The following EXOC1 variants were observed in gnomAD, a reference collection of about 807,000 sequenced individuals.
EXOC1 encodes the protein SEC3-like 1.
A neutral mutation model predicts 107.7 loss-of-function variants in EXOC1; 67 were observed. The observed-to-expected ratio is 0.62, with a 90% CI of 0.51 to 0.76. EXOC1 has a LOEUF of 0.76. EXOC1 is among the 30% of genes least tolerant of loss of function. The pLI is 0.00. For missense variants in EXOC1, 833 were observed against 1,055.7 expected (o/e 0.79, Z 2.92); for synonymous variants, 348 against 353.5 (o/e 0.98, Z 0.17).
rs1336266977 is a variant in EXOC1 at position 55,905,001 on chromosome 4, A to C, written c.*506A>C. ...TGTGACTAGTAATAAATGTGAAATA[A>C]ATTTTCAAAAAAGTTGACATTTGAT... On this transcript the variant is annotated 3_prime_UTR_variant, in exon 19 of 19. Transcript: ENST00000381295. 1 of 152,272 alleles carries C rather than the reference A, an allele frequency of 6.6e-6. No homozygotes were observed. Among genetic ancestry groups the C allele is most frequent in the African/African-American group, 2.4e-5 (1 of 41,452 alleles). The allele number at this position is 152,272 out of a possible 1,614,324, so 9.4% of individuals were successfully genotyped here.
chr4:55,875,928 A>G (rs965035572), intron 8 of EXOC1: 1 of 929,656 alleles, frequency 1.1e-6, no homozygotes, highest in East Asian at 1.2e-4. Context: ...TTAAAAAATA[A>G]AACACAATTT....
chr4:55,863,176 A>G (rs186281197), intron 3 of EXOC1, among the ~76,000 whole-genome samples: 1 of 152,188 alleles, frequency 6.6e-6, no homozygotes, highest in African/African-American at 2.4e-5. Flanking sequence ...CTAGGATTAC[A>G]GGCGTGAGCT....
intron 8 of EXOC1, chr4:55,875,758 G>C (rs181820555): frequency 4.1e-6 from 4 of 985,294 alleles, no homozygotes; most frequent in Non-Finnish European, 4.8e-6. Flanking sequence ...TTTAATCAGC[G>C]TGACCAATTA....
chr4:55,899,151 A>T (rs1159198188), intron 16 of EXOC1, among the ~76,000 whole-genome samples: 1 of 152,018 alleles, frequency 6.6e-6, no homozygotes, highest in Non-Finnish European at 1.5e-5. Context: ...TGGTGTCTTT[A>T]CTTTACATGA....
chr4:55,896,280 G>A (rs563915446), intron 15 of EXOC1, among the ~76,000 whole-genome samples: 66 of 152,216 alleles, frequency 4.3e-4, no homozygotes, highest in Non-Finnish European at 8.5e-4. Context: ...CTCCCAAGTA[G>A]CTGGGATTAC....
chr4:55,858,446 A>G lies in EXOC1; in HGVS notation c.123A>G (p.Thr41=), dbSNP rs763689987. ...KKKKNCFLCA[T]VTTERPVQVK... ...AAAAGAACTGTTTTTTATGTGCCAC[A>G]GGTGGGTATTTAGTAAGAAAGAGTA... is the stretch of plus-strand genomic sequence containing the variant. Residue 41 remains threonine (T), a splice_region_variant and synonymous_variant, in exon 2 of 19, where the codon ACA becomes ACG. Transcript: ENST00000381295. 2 of 1,588,738 alleles carry G rather than the reference A, an allele frequency of 1.3e-6. No homozygotes were observed. Among genetic ancestry groups the G allele is most frequent in the Admixed American group, 3.6e-5 (2 of 55,078 alleles).
intron 15 of EXOC1, 27 bp downstream of exon 15, chr4:55,893,807 C>A (rs1178002186): frequency 6.4e-7 from 1 of 1,566,402 alleles, no homozygotes; most frequent in East Asian, 2.2e-5. Flanking sequence ...AAAAAAATAC[C>A]TTAGCATCCT....
At chr4:55,886,398 C>A (rs1723877350) in intron 10 of EXOC1, among the ~76,000 whole-genome samples, 1 of 151,342 alleles carries the variant, frequency 6.6e-6, no homozygotes, top group Non-Finnish European at 1.5e-5. Context: ...ACAAAAAAAT[C>A]AAAAATTAGC....
rs772669103 is a variant in EXOC1, at chr4:55,863,844, A to G, written c.256-383A>G. Among the ~76,000 whole-genome samples the G allele has an allele frequency of 5.9e-5, 9 of 152,226 alleles. 1 individual carries two copies. The highest frequency in any genetic ancestry group is 1.3e-4 in the Non-Finnish European group (9 of 68,036). On this transcript the variant is annotated intron_variant, in intron 3 of 18. Coordinates refer to ENST00000381295, the MANE Select transcript of EXOC1 (RefSeq NM_001024924.2). ...TTACAGTTTCAAATAGTAGTACATT[A>G]TTAAAGAAAATGTATAACTAAAACT...
At chr4:55,879,151 A>T (rs189089064) in intron 9 of EXOC1, among the ~76,000 whole-genome samples, 1 of 152,364 alleles carries the variant, frequency 6.6e-6, no homozygotes, top group East Asian at 1.9e-4. Flanking sequence ...AGCACCTATT[A>T]CGTGCTAACA....
At chr4:55,885,979 T>A (rs955498812) in intron 10 of EXOC1, among the ~76,000 whole-genome samples, 11 of 152,232 alleles carry the variant, frequency 7.2e-5, no homozygotes, top group Non-Finnish European at 2.9e-5. Flanking sequence ...AGGATTTTTT[T>A]ATTTTACAGT....
chr4:55,896,997 T>C (rs1233286272), intron 16 of EXOC1, 97 bp downstream of exon 16: 5 of 990,660 alleles, frequency 5.0e-6, no homozygotes, highest in Non-Finnish European at 5.7e-6. Flanking sequence ...ATTTTGTATA[T>C]CTTATAATCT....
At chr4:55,898,032 A>G (rs929794628) in intron 16 of EXOC1, among the ~76,000 whole-genome samples, 2 of 152,132 alleles carry the variant, frequency 1.3e-5, no homozygotes, top group East Asian at 3.9e-4. Context: ...CAGTTGGGGG[A>G]TCGCTTGAGC....
intron 15 of EXOC1, among the ~76,000 whole-genome samples, chr4:55,894,588 T>A (rs985918684): frequency 6.6e-6 from 1 of 151,072 alleles, no homozygotes; most frequent in Non-Finnish European, 1.5e-5. Context: ...TAGAAAAAAA[T>A]TTGACAACTT....
chr4:55,900,360 A>G (rs1725755754), intron 17 of EXOC1, among the ~76,000 whole-genome samples: 1 of 152,214 alleles, frequency 6.6e-6, no homozygotes, highest in Non-Finnish European at 1.5e-5. Context: ...TTTCAAAAAT[A>G]TTATTAAGAT....
intron 16 of EXOC1, among the ~76,000 whole-genome samples, chr4:55,898,331 A>G (rs1424610110): frequency 1.3e-5 from 2 of 152,216 alleles, no homozygotes; most frequent in Non-Finnish European, 2.9e-5. Flanking sequence ...AACTTATAAA[A>G]CTTAAGAACA....
rs540396395 is a variant in EXOC1 at position 55,904,016 on chromosome 4, T to G, written c.2533-327T>G. Among the ~76,000 whole-genome samples the G allele has an allele frequency of 2.0e-5, 3 of 152,180 alleles. No individual in the cohort carries two copies. The East Asian group carries it at 5.8e-4, about 29-fold the overall frequency. Reference sequence around the variant, plus strand: ...TTGCATATTGGAGTATATAAGATAATAGCTAAAATGTCATGAGTGCTTACT... The same window carrying G: ...TTGCATATTGGAGTATATAAGATAAGAGCTAAAATGTCATGAGTGCTTACT... On this transcript the variant is annotated intron_variant, in intron 18 of 18. Transcript: ENST00000381295.
chr4:55,892,763 T>C, intron 14 of EXOC1, 52 bp downstream of exon 14: 1 of 1,557,928 alleles, frequency 6.4e-7, no homozygotes, highest in Non-Finnish European at 8.9e-7. Context: ...AACTTTAAAA[T>C]GTGGAGTGCT....
At chr4:55,894,190 T>C (rs1050311443) in intron 15 of EXOC1, among the ~76,000 whole-genome samples, 1 of 152,098 alleles carries the variant, frequency 6.6e-6, no homozygotes, top group Non-Finnish European at 1.5e-5. Flanking sequence ...CCGGGCGTGG[T>C]AGCACATGCC....
Sources: allele counts gnomAD v4.1 joint callset (sites outside exome capture counted in the v4.1 genomes callset), GRCh38; gene constraint gnomAD v4.1.1; transcripts MANE v1.5; gene names NCBI Gene and HGNC (gene_info 2026-07-23, HGNC 2026-07-21).